The following PIGL variants were observed in gnomAD, a reference collection of about 807,000 sequenced individuals.
PIGL encodes N-acetylglucosaminyl-phosphatidylinositol de-N-acetylase.
PIGL carries 22 observed loss-of-function variants against 31.1 expected under a neutral mutation model. That is an observed-to-expected ratio of 0.71 (90% confidence interval 0.51 to 1.01). The LOEUF is 1.01. Ranked by LOEUF, PIGL falls within the 50% of genes least tolerant of loss-of-function variation. The probability of loss-of-function intolerance (pLI) is 0.00; values close to 1 mark genes in which losing one functional copy is unlikely to be tolerated. For missense variants in PIGL, 302 were observed against 315.9 expected (o/e 0.96, Z 0.33); for synonymous variants, 131 against 117.4 (o/e 1.12, Z -0.75).
chr17:16,299,953 A>G lies in PIGL; in HGVS notation c.401A>G (p.His134Arg). 6.2e-7 allele frequency: 1 copy of G among 1,613,952 alleles called. No individual in the cohort carries two copies. The highest frequency in any genetic ancestry group is 8.5e-7 in the Non-Finnish European group (1 of 1,179,816). ...TEHVARVLLQ[H>R]IEVNGINLVV... ...CACGTGGCCAGAGTCCTCCTTCAGC[A>G]CATAGAAGTGAATGGCATCAATCTG... Residue 134 changes from histidine (H) to arginine (R), a missense_variant, in exon 3 of 7, where the codon CAC becomes CGC. Coordinates refer to ENST00000225609, the MANE Select transcript of PIGL (RefSeq NM_004278.4).
intron 1 of PIGL, among the ~76,000 whole-genome samples, chr17:16,231,665 T>C (rs1380955675): frequency 6.6e-6 from 1 of 152,194 alleles, no homozygotes; most frequent in Non-Finnish European, 1.5e-5. Context: ...TTACAAAATG[T>C]CTTTACTTTG....
rs1197171634 is a variant in PIGL, at chr17:16,246,672, C to CTTTTTTTTTTTTTTTTTTTTTTTTTTT, written c.335+12626_335+12627insTTTTTTTTTTTTTTTTTTTTTTTTTTT. Among the ~76,000 whole-genome samples the CTTTTTTTTTTTTTTTTTTTTTTTTTTT allele has an allele frequency of 7.8e-5, 5 of 64,162 alleles. 1 individual carries two copies. The highest frequency in any genetic ancestry group is 1.2e-4 in the Non-Finnish European group (4 of 32,472). The allele number at this position is 64,162 out of a possible 152,430, so 42.1% of individuals were successfully genotyped here. A position where few individuals can be genotyped will look rare whatever the true frequency, so the allele number is the denominator to read the frequency against. ...GCAGGCTAGAAGTCCAGATCAAGGT[C>CTTTTTTTTTTTTTTTTTTTTTTTTTTT]TTTTTTTTTTTTTTTTTTTTTTTTG... is the stretch of plus-strand genomic sequence containing the variant. On this transcript the variant is annotated intron_variant, in intron 2 of 6. Coordinates refer to ENST00000225609, the MANE Select transcript of PIGL (RefSeq NM_004278.4).
intron 2 of PIGL, among the ~76,000 whole-genome samples, chr17:16,262,032 G>A (rs529745402): frequency 6.6e-6 from 1 of 152,088 alleles, no homozygotes; most frequent in African/African-American, 2.4e-5. Context: ...AGACCAGCCT[G>A]GTCGACATGG....
At chr17:16,248,243 C>T (rs1369542163) in intron 2 of PIGL, among the ~76,000 whole-genome samples, 6 of 152,156 alleles carry the variant, frequency 3.9e-5, no homozygotes, top group Non-Finnish European at 5.9e-5. Flanking sequence ...AAAACCTTTA[C>T]GTTCTGGTTC....
Position 16,220,485 on chromosome 17 carries a change from T to A in PIGL, c.235+3024T>A, listed in dbSNP as rs1405473521. On this transcript the variant is annotated intron_variant, in intron 1 of 6. Transcript: ENST00000225609. ...TTGTGTTTTTTTAAATTGTTATTTT[T>A]TTTTTTTTTTTTTTTTTTTTTGAGG... Among the ~76,000 whole-genome samples the A allele has an allele frequency of 2.9e-4, 40 of 135,742 alleles. 3 individuals are homozygous for A. The highest frequency in any genetic ancestry group is 2.4e-3 in the East Asian group (11 of 4,560). 89.1% of individuals were successfully genotyped at this position (135,742 alleles called of 152,430 possible). A position where few individuals can be genotyped will look rare whatever the true frequency, so the allele number is the denominator to read the frequency against.
At chr17:16,230,622 C>CT (rs764511731) in intron 1 of PIGL, among the ~76,000 whole-genome samples, 3,466 of 144,150 alleles carry the variant, frequency 0.024, 105 homozygotes, top group African/African-American at 0.075. Flanking sequence ...GTCATAATCA[C>CT]TTTTTTTTTT....
chr17:16,263,536 G>C (rs1042995961), intron 2 of PIGL, among the ~76,000 whole-genome samples: 1 of 146,084 alleles, frequency 6.8e-6, no homozygotes, highest in Non-Finnish European at 1.5e-5. Flanking sequence ...TTTGTTTTTT[G>C]TTTTCTTAAA....
At position 16,326,164 on chromosome 17, in the gene PIGL, T is replaced by C; in HGVS notation, c.*266T>C. The C allele has an allele frequency of 2.3e-6, 1 of 441,226 alleles. No homozygotes were observed. The highest frequency in any genetic ancestry group is 3.8e-5 in the South Asian group (1 of 26,206). 27.3% of individuals were successfully genotyped at this position (441,226 alleles called of 1,614,324 possible). A position where few individuals can be genotyped will look rare whatever the true frequency, so the allele number is the denominator to read the frequency against. On this transcript the variant is annotated 3_prime_UTR_variant, in exon 7 of 7. Transcript: ENST00000225609. Reference sequence around the variant, plus strand: ...TCTCAAGTTCTTGTGAAAAACAATTTACATAATGACACAGTAGATGTGGAA... The same window carrying C: ...TCTCAAGTTCTTGTGAAAAACAATTCACATAATGACACAGTAGATGTGGAA...
intron 2 of PIGL, among the ~76,000 whole-genome samples, chr17:16,265,077 T>C (rs73281980): frequency 0.049 from 7,389 of 152,262 alleles, 616 homozygotes; most frequent in African/African-American, 0.17. Flanking sequence ...ATCAGCCAAC[T>C]GGCTGCAGAG....
chr17:16,325,762 G>A, intron 6 of PIGL, 38 bp from the exon 7 acceptor site: 1 of 1,479,362 alleles, frequency 6.8e-7, no homozygotes, highest in Non-Finnish European at 9.5e-7. Flanking sequence ...CAACTCCAGT[G>A]CAACTGTTTC....
intron 2 of PIGL, among the ~76,000 whole-genome samples, chr17:16,297,851 A>G (rs2092989066): frequency 6.6e-6 from 1 of 152,000 alleles, no homozygotes; most frequent in Non-Finnish European, 1.5e-5. Flanking sequence ...GAGGTTCCCA[A>G]CCCCCAGGCT....
chr17:16,250,714 AT>A (rs2092767549), intron 2 of PIGL, among the ~76,000 whole-genome samples: 1 of 152,234 alleles, frequency 6.6e-6, no homozygotes, highest in Non-Finnish European at 1.5e-5. Context: ...TGCCAAAAAA[AT>A]AAATATATGA....
At chr17:16,270,511 T>C (rs1220299330) in intron 2 of PIGL, among the ~76,000 whole-genome samples, 1 of 151,996 alleles carries the variant, frequency 6.6e-6, no homozygotes, top group East Asian at 1.9e-4. Context: ...ATTTATTAAA[T>C]AGAACCTGAG....
At position 16,275,926 on chromosome 17, in the gene PIGL, C is replaced by T. The variant is rs1038474164; in HGVS notation, c.336-23962C>T. ...GTAATCACAGCTACTCAAGAGGCTG[C>T]GGCAGGAGAATCATTTGAACCCAGG... On this transcript the variant is annotated intron_variant, in intron 2 of 6. Transcript: ENST00000225609. Among the ~76,000 whole-genome samples, 7 of 151,982 alleles carry T rather than the reference C, an allele frequency of 4.6e-5. No individual in the cohort carries two copies. In the East Asian group the frequency reaches 5.8e-4, roughly 13 times the overall value.
chr17:16,217,351 G>T lies in PIGL; in HGVS notation c.125G>T (p.Arg42Leu). The T allele has an allele frequency of 6.2e-7, 1 of 1,614,188 alleles. No individual in the cohort carries two copies. Among genetic ancestry groups the T allele is most frequent in the Non-Finnish European group, 8.5e-7 (1 of 1,180,032 alleles). The change falls in exon 1 of 7, where the codon CGG becomes CTG. Residue 42 changes from arginine to leucine, a missense_variant. Transcript: ENST00000225609. ...GGAGGACGGCTGGGAGCCGAAAGCC[G>T]GACCCTGCTGGTCATAGCGCACCCT... ...EQGGRLGAES[R>L]TLLVIAHPDD...
intron 1 of PIGL, among the ~76,000 whole-genome samples, chr17:16,223,374 C>T (rs1037923320): frequency 6.6e-6 from 1 of 151,882 alleles, no homozygotes; most frequent in Middle Eastern, 3.4e-3. Context: ...GTCAGGAGTT[C>T]GAGACCAGCC....
intron 2 of PIGL, among the ~76,000 whole-genome samples, chr17:16,258,103 A>AGAGAGAG (rs2092803342): frequency 1.2e-4 from 8 of 65,698 alleles, no homozygotes; most frequent in African/African-American, 2.3e-4. Flanking sequence ...GAGAGAGAGA[A>AGAGAGAG]AGAGAGAGAG....
chr17:16,291,587 T>C (rs2092960838), intron 2 of PIGL, among the ~76,000 whole-genome samples: 2 of 150,606 alleles, frequency 1.3e-5, no homozygotes, highest in South Asian at 2.1e-4. Context: ...AGGACTTGGC[T>C]GGGCGCAGTG....
chr17:16,278,263 C>T (rs1391080395), intron 2 of PIGL, among the ~76,000 whole-genome samples: 1 of 152,100 alleles, frequency 6.6e-6, no homozygotes, highest in Non-Finnish European at 1.5e-5. Context: ...GCCATGTTGG[C>T]CAGGCACAGG....
Sources: allele counts gnomAD v4.1 joint callset (sites outside exome capture counted in the v4.1 genomes callset), GRCh38; gene constraint gnomAD v4.1.1; transcripts MANE v1.5; gene names NCBI Gene and HGNC (gene_info 2026-07-23, HGNC 2026-07-21).